MMD2: variants seen among roughly 807,000 people sequenced by gnomAD.
MMD2 encodes the protein monocyte to macrophage differentiation associated 2, also known as monocyte to macrophage differentiation factor 2.
MMD2 carries 30 observed loss-of-function variants against 33.5 expected under a neutral mutation model. That is an observed-to-expected ratio of 0.90 (90% CI 0.67 to 1.22). The LOEUF is 1.22. Ranked by LOEUF, MMD2 falls within the 50% of genes most tolerant of loss-of-function variation. The pLI is 0.00. For synonymous variants in MMD2, 129 were observed against 123.0 expected (o/e 1.05, Z -0.32); for missense variants, 364 against 325.4 (o/e 1.12, Z -0.91).
chr7:4,923,974 C>T (rs371070069), intron 2 of MMD2, among the ~76,000 whole-genome samples: 7 of 151,974 alleles, frequency 4.6e-5, no homozygotes, highest in East Asian at 3.8e-4. Context: ...GGGTGGATCA[C>T]GAGGTCAGGA....
At chr7:4,903,618 C>A (rs1407052884), downstream of MMD2, among the ~76,000 whole-genome samples, 1 of 152,224 alleles carries the variant, frequency 6.6e-6, no homozygotes, top group Non-Finnish European at 1.5e-5. Flanking sequence ...AGAAGTCCTC[C>A]CAGGTGGGCA....
rs370059677 is a variant in MMD2 at position 4,935,762 on chromosome 7, T to C, written c.48-10230A>G. Among the ~76,000 whole-genome samples the C allele has an allele frequency of 2.6e-4, 39 of 151,990 alleles. No individual in the cohort carries two copies. In the South Asian group the frequency reaches 7.1e-3, roughly 28 times the overall value. ...GCTTGGCATTGTGGAGTGGTTCCAA[T>C]GTCAGTTTCTTGCTTTGGACCCTGT... On this transcript the variant is annotated intron_variant, in intron 1 of 6. Coordinates refer to ENST00000401401, the MANE Select transcript of MMD2 (RefSeq NM_198403.4).
chr7:4,956,282 C>T (rs1562499092), intron 1 of MMD2, among the ~76,000 whole-genome samples: 1 of 151,668 alleles, frequency 6.6e-6, no homozygotes, highest in South Asian at 2.1e-4. Flanking sequence ...TTTAATTAGC[C>T]AGGCATGGTG....
At position 4,909,871 on chromosome 7, in the gene MMD2, C is replaced by A. The variant is rs773410918; in HGVS notation, c.537+10G>T. ...CAGGGACTCATCTATGCAGGGCTGG[C>A]AGCACTTACCATGGAGAGGATGACC... On this transcript the variant is annotated intron_variant, in intron 6 of 6. Transcript: ENST00000401401. The A allele has an allele frequency of 3.5e-5, 57 of 1,608,386 alleles. No individual in the cohort carries two copies. Among genetic ancestry groups the A allele is most frequent in the Non-Finnish European group, 4.5e-5 (53 of 1,177,400 alleles).
At position 4,911,214 on chromosome 7, in the gene MMD2, G is replaced by T. The variant is rs1291100509; in HGVS notation, c.398C>A (p.Ser133Tyr). 6.2e-7 allele frequency: 1 copy of T among 1,600,826 alleles called. No individual in the cohort carries two copies. The highest frequency in any genetic ancestry group is 8.5e-7 in the Non-Finnish European group (1 of 1,174,246). Residue 133 changes from serine to tyrosine, a missense_variant, in exon 5 of 7, where the codon TCC becomes TAC. Coordinates refer to ENST00000401401, the MANE Select transcript of MMD2 (RefSeq NM_198403.4). The part of the protein sequence containing the change: ...LNLRELGPWA[S>Y]HMRWLVWIMA... Reference sequence around the variant, plus strand: ...AATCCAGACCAGCCAGCGCATGTGGGAGGCCCAGGGGCCCAGCTCCCGAAG... The same window carrying T: ...AATCCAGACCAGCCAGCGCATGTGGTAGGCCCAGGGGCCCAGCTCCCGAAG...
intron 2 of MMD2, among the ~76,000 whole-genome samples, chr7:4,923,674 T>A (rs12669657): frequency 0.5 from 75,178 of 151,824 alleles, 18,856 homozygotes; most frequent in East Asian, 0.67. Flanking sequence ...TTTGGGCAGA[T>A]TCTCTCACCC....
chr7:4,922,732 G>T (rs11768152), intron 2 of MMD2, among the ~76,000 whole-genome samples: 7 of 151,870 alleles, frequency 4.6e-5, no homozygotes, highest in South Asian at 2.1e-4. Context: ...ATGCCACTGC[G>T]CCTGGCTCCT....
intron 1 of MMD2, among the ~76,000 whole-genome samples, chr7:4,944,443 G>A (rs544802799): frequency 1.4e-3 from 207 of 152,276 alleles, no homozygotes; most frequent in African/African-American, 4.8e-3. Flanking sequence ...GGCATGACCT[G>A]GGCCAGCCCA....
chr7:4,911,358 G>A, intron 4 of MMD2, 112 bp from the exon 5 acceptor site: 1 of 780,958 alleles, frequency 1.3e-6, no homozygotes, highest in East Asian at 2.7e-5. Context: ...TGTCACCTGT[G>A]ACTCCACGGC....
At chr7:4,938,850 A>C (rs1211146253) in intron 1 of MMD2, among the ~76,000 whole-genome samples, 1 of 152,184 alleles carries the variant, frequency 6.6e-6, no homozygotes, top group Non-Finnish European at 1.5e-5. Context: ...AAAACATTTT[A>C]AATAAAGTCA....
At position 4,920,217 on chromosome 7, in the gene MMD2, C is replaced by T. The variant is rs1243475697; in HGVS notation, c.244G>A (p.Val82Met). Residue 82 changes from valine to methionine, a missense_variant, in exon 3 of 7, where the codon GTG becomes ATG. Val to Met is a conservative substitution (Grantham distance 21). Coordinates refer to ENST00000401401, the MANE Select transcript of MMD2 (RefSeq NM_198403.4). ...YGLGLCGLFV[V>M]STVFHTISWK... ...GAGATGGTGTGAAACACAGTGGACA[C>T]CACGAAGAGGCCGCAGAGGCCGAGG... 2 of 1,577,882 alleles carry T rather than the reference C, an allele frequency of 1.3e-6. No individual in the cohort carries two copies. Among genetic ancestry groups the T allele is most frequent in the South Asian group, 1.2e-5 (1 of 85,774 alleles).
In MMD2 at chr7:4,907,589, T is replaced by C; in HGVS notation, c.548A>G (p.Glu183Gly). ...ALVILSMPNT[E>G]GIWELVTGGV... Reference sequence around the variant, plus strand: ...TCCGGTCACCAGCTCCCAGATGCCCTCGGTGTTGGGCTGTCGGCAAGGACA... The same window carrying C: ...TCCGGTCACCAGCTCCCAGATGCCCCCGGTGTTGGGCTGTCGGCAAGGACA... Residue 183 changes from glutamate to glycine, a missense_variant, in exon 7 of 7, where the codon GAG becomes GGG. Transcript: ENST00000401401. 1.2e-6 allele frequency: 2 copies of C among 1,612,390 alleles called. No homozygotes were observed. Among genetic ancestry groups the C allele is most frequent in the Non-Finnish European group, 1.7e-6 (2 of 1,179,774 alleles).
intron 6 of MMD2, 69 bp from the exon 7 acceptor site, chr7:4,907,668 T>C: frequency 6.5e-7 from 1 of 1,530,386 alleles, no homozygotes; most frequent in Non-Finnish European, 9.0e-7. Flanking sequence ...CACCAGCCAG[T>C]CCCCACCACC....
At chr7:4,941,555 G>A (rs746219889) in intron 1 of MMD2, among the ~76,000 whole-genome samples, 1 of 151,460 alleles carries the variant, frequency 6.6e-6, no homozygotes, top group Non-Finnish European at 1.5e-5. Flanking sequence ...GCTTGAACCT[G>A]GGAGGCGGAG....
Position 4,907,102 on chromosome 7 carries a change from A to C in MMD2, c.*294T>G, listed in dbSNP as rs1784882459. Reference sequence around the variant, plus strand: ...TTGGCCCGTCATTCCCCAATTTTCCAGGACCATGCCTGCTTCCTTTTCTGA... The same window carrying C: ...TTGGCCCGTCATTCCCCAATTTTCCCGGACCATGCCTGCTTCCTTTTCTGA... On this transcript the variant is annotated 3_prime_UTR_variant, in exon 7 of 7. Coordinates refer to ENST00000401401, the MANE Select transcript of MMD2 (RefSeq NM_198403.4). 2 of 378,714 alleles carry C rather than the reference A, an allele frequency of 5.3e-6. No homozygotes were observed. 23.5% of individuals were successfully genotyped at this position (378,714 alleles called of 1,614,324 possible).
the MMD2 span, among the ~76,000 whole-genome samples, chr7:4,894,281 G>C: frequency 6.6e-6 from 1 of 152,196 alleles, no homozygotes; most frequent in African/African-American, 2.4e-5. This position sits in a 1 kb window ranked among gnomAD's most constrained non-coding sequence, Gnocchi z 4.3. Flanking sequence ...GCCACATGGG[G>C]AAGTCCAGGC....
chr7:4,925,353 A>T, intron 2 of MMD2, 98 bp downstream of exon 2: 1 of 957,120 alleles, frequency 1.0e-6, no homozygotes. Context: ...CCCGAGGAAC[A>T]GGCCACTTAG....
chr7:4,924,403 C>T (rs577472822), intron 2 of MMD2, among the ~76,000 whole-genome samples: 3 of 152,242 alleles, frequency 2.0e-5, no homozygotes, highest in Non-Finnish European at 4.4e-5. Context: ...CCTCCACACA[C>T]GCTATCTGGG....
rs540100872 is a variant in MMD2, at chr7:4,959,005, G to T, written c.13C>A (p.Arg5=). 881 of 1,271,892 alleles carry T rather than the reference G, an allele frequency of 6.9e-4. 6 individuals are homozygous for T. In the Middle Eastern group the frequency reaches 0.013, roughly 19 times the overall value. 78.8% of individuals were successfully genotyped at this position (1,271,892 alleles called of 1,614,324 possible). MFAP[R]LLDFQKTKYA... ...TTCGTCTTCTGGAAATCCAGCAGCC[G>T]GGGGGCGAACATCGCGGCGCTTCCA... Residue 5 remains arginine, a synonymous_variant, in exon 1 of 7, where the codon CGG becomes AGG. Coordinates refer to ENST00000401401, the MANE Select transcript of MMD2 (RefSeq NM_198403.4).
Sources: allele counts gnomAD v4.1 joint callset (sites outside exome capture counted in the v4.1 genomes callset), GRCh38; gene constraint gnomAD v4.1.1; non-coding constraint Gnocchi (gnomAD v3.1); transcripts MANE v1.5; gene names NCBI Gene and HGNC (gene_info 2026-07-23, HGNC 2026-07-21).